The following PLIN2 variants were observed in gnomAD, a reference collection of about 807,000 sequenced individuals.
PLIN2 encodes the protein perilipin 2, also known as perilipin-2.
A neutral mutation model predicts 30.6 loss-of-function variants in PLIN2; 33 were observed. That is an observed-to-expected ratio of 1.08 (90% confidence interval 0.82 to 1.44). PLIN2 has a LOEUF of 1.44. Among genes scored for constraint, PLIN2 ranks in the 40% most tolerant of loss-of-function variants. The probability of loss-of-function intolerance (pLI) is 0.00; values close to 1 mark genes in which losing one functional copy is unlikely to be tolerated. For synonymous variants in PLIN2, 205 were observed against 201.1 expected, an observed-to-expected ratio of 1.02 and a Z score of -0.16; for missense variants, 610 against 531.8, an observed-to-expected ratio of 1.15 and a Z score of -1.45.
chr9:19,126,307 ACT>A lies in PLIN2; in HGVS notation c.31_32del (p.Ser11CysfsTer16). MASVAVDPQP[S>X]VVTRVVNLPL... ...GCAGGTTGACCACCCGAGTCACCAC[ACT>A]CTGCAATCAAAGTAGGGAGGGTATG... On this transcript the variant is annotated frameshift_variant and splice_region_variant, in exon 3 of 8. Coordinates refer to ENST00000276914, the MANE Select transcript of PLIN2 (RefSeq NM_001122.4). LOFTEE classifies it high-confidence loss of function. 6.2e-7 allele frequency: 1 copy of A among 1,613,784 alleles called. No individual in the cohort carries two copies. Among genetic ancestry groups the A allele is most frequent in the Non-Finnish European group, 8.5e-7 (1 of 1,179,694 alleles).
rs1248086144 is a variant in PLIN2, at chr9:19,119,815, T to G, written c.612A>C (p.Lys204Asn). ...TCTGAACCAGATCAAATCCTTCAAC[T>G]TTTTTTGCTTCTTTTTCTGAAGTTA... ...TEEELEKEAK[K>N]VEGFDLVQKP... The change falls in exon 6 of 8, where the codon AAA becomes AAC. Residue 204 changes from lysine to asparagine, a missense_variant. Transcript: ENST00000276914. The G allele has an allele frequency of 6.4e-7, 1 of 1,553,534 alleles. No individual in the cohort carries two copies. The highest frequency in any genetic ancestry group is 1.2e-5 in the South Asian group (1 of 84,290).
chr9:19,124,703 T>C lies in PLIN2; in HGVS notation c.227-1056A>G, dbSNP rs72558394. Among the ~76,000 whole-genome samples the C allele has an allele frequency of 2.6e-3, 398 of 152,294 alleles. 8 individuals carry two copies. In the East Asian group the frequency reaches 0.052, roughly 20 times the overall value. On this transcript the variant is annotated intron_variant, in intron 3 of 7. Transcript: ENST00000276914. Reference sequence around the variant, plus strand: ...TCCTCAAAAGCTTAAACAGTTATTATATAACCCAGCAATTCCACTCCTGGG... The same window carrying C: ...TCCTCAAAAGCTTAAACAGTTATTACATAACCCAGCAATTCCACTCCTGGG...
downstream of PLIN2, among the ~76,000 whole-genome samples, chr9:19,111,671 G>T (rs1397935350): frequency 1.3e-5 from 2 of 152,042 alleles, no homozygotes; most frequent in Admixed American, 1.3e-4. Context: ...TGGAGGGAGT[G>T]GGGTAGCATC....
At chr9:19,115,509 G>A (rs866190779), downstream of PLIN2, among the ~76,000 whole-genome samples, 4 of 151,742 alleles carry the variant, frequency 2.6e-5, no homozygotes, top group Non-Finnish European at 1.5e-5. Context: ...GGGTTTCACC[G>A]TGTTCGCCAG....
downstream of PLIN2, among the ~76,000 whole-genome samples, chr9:19,114,309 A>G (rs565509542): frequency 6.6e-6 from 1 of 152,294 alleles, no homozygotes; most frequent in South Asian, 2.1e-4. Flanking sequence ...GTGAACCAGG[A>G]TAGAAAGAGA....
chr9:19,126,478 C>T (rs3802335), intron 1 of PLIN2, 30 bp from the exon 2 acceptor site: 1,079,363 of 1,389,492 alleles, frequency 0.78, 422,340 homozygotes, highest in Non-Finnish European at 0.8. Flanking sequence ...TTCAGAACAC[C>T]GGGATAAGAC....
Position 19,123,618 on chromosome 9 carries a change from C to A in PLIN2, c.256G>T (p.Gly86Trp), listed in dbSNP as rs780284281. The change falls in exon 4 of 8, where the codon GGG becomes TGG. Residue 86 changes from glycine to tryptophan, a missense_variant. Physicochemically the swap from Gly to Trp is radical, Grantham distance 184. Coordinates refer to ENST00000276914, the MANE Select transcript of PLIN2 (RefSeq NM_001122.4). ...AGTCTCTCCTCAATCCTGTCTAGCC[C>A]CTTACAGGCATAGGTATTGGCAACT... ...IAVANTYACK[G>W]LDRIEERLPI... The A allele has an allele frequency of 3.7e-6, 6 of 1,614,000 alleles. No individual in the cohort carries two copies. The African/African-American group carries it at 6.7e-5, about 18-fold the overall frequency.
At chr9:19,110,168 C>T (rs72698306) in intron 2 of PLIN2, among the ~76,000 whole-genome samples, 6,070 of 151,938 alleles carry the variant, frequency 0.04, 172 homozygotes, top group Non-Finnish European at 0.057. Context: ...GGATTACAGG[C>T]GTGCGCTGCA....
At chr9:19,109,502 C>T (rs1283286532) in intron 2 of PLIN2, among the ~76,000 whole-genome samples, 1 of 142,598 alleles carries the variant, frequency 7.0e-6, no homozygotes, top group African/African-American at 2.6e-5. Flanking sequence ...CGAGGTTCAC[C>T]ACCACTCCAG....
rs760963396 is a variant in PLIN2, at chr9:19,120,967, G to A, written c.508C>T (p.Gln170Ter). Residue 170 changes from glutamine to a stop codon, truncating the protein, a stop_gained, in exon 5 of 8, where the codon CAG becomes TAG. Coordinates refer to ENST00000276914, the MANE Select transcript of PLIN2 (RefSeq NM_001122.4). LOFTEE classifies it high-confidence loss of function. ...INTVLGSRMMQLVSSGVENAL... is the reference protein window; with the variant it reads ...INTVLGSRMM ...TTTTCTACGCCACTGCTCACGAGCT[G>A]CATCATCCGACTCCCCAAGACTGTG... The A allele has an allele frequency of 6.2e-7, 1 of 1,614,012 alleles. No individual in the cohort carries two copies. The highest frequency in any genetic ancestry group is 1.7e-5 in the Admixed American group (1 of 59,994).
At position 19,119,775 on chromosome 9, in the gene PLIN2, C is replaced by T. The variant is rs758732947; in HGVS notation, c.652G>A (p.Val218Ile). 4 of 1,607,126 alleles carry T rather than the reference C, an allele frequency of 2.5e-6. No individual in the cohort carries two copies. Among genetic ancestry groups the T allele is most frequent in the Admixed American group, 3.4e-5 (2 of 59,448 alleles). The change falls in exon 6 of 8, where the codon GTT becomes ATT. Residue 218 changes from valine (V) to isoleucine (I), a missense_variant. Transcript: ENST00000276914. ...FDLVQKPSYYVRLGSLSTKLH... is the reference protein window; with the variant it reads ...FDLVQKPSYYIRLGSLSTKLH... ...TTGGTAGACAGGGATCCCAGTCTAACATAATAACTTGGCTTCTGAACCAGA... is the reference window on the plus strand; with the variant it reads ...TTGGTAGACAGGGATCCCAGTCTAATATAATAACTTGGCTTCTGAACCAGA...
chr9:19,121,486 T>G (rs1018320933), intron 4 of PLIN2, among the ~76,000 whole-genome samples: 1 of 114,828 alleles, frequency 8.7e-6, no homozygotes, highest in Non-Finnish European at 1.7e-5. Flanking sequence ...CAAGACCCTG[T>G]CTCAAAAAAA....
At position 19,126,251 on chromosome 9, in the gene PLIN2, G is replaced by T; in HGVS notation, c.89C>A (p.Ser30Tyr). The T allele has an allele frequency of 6.2e-7, 1 of 1,614,122 alleles. No homozygotes were observed. The highest frequency in any genetic ancestry group is 8.5e-7 in the Non-Finnish European group (1 of 1,179,992). The part of the protein sequence containing the change: ...PLVSSTYDLM[S>Y]SAYLSTKDQY... ...GTCCTTTGTACTGAGATAGGCTGAG[G>T]ACATGAGGTCATACGTGGAGCTCAC... is the stretch of plus-strand genomic sequence containing the variant. The change falls in exon 3 of 8, where the codon TCC becomes TAC. Residue 30 changes from serine to tyrosine, a missense_variant. Transcript: ENST00000276914.
chr9:19,112,617 A>G (rs1431559700), downstream of PLIN2, among the ~76,000 whole-genome samples: 5 of 150,486 alleles, frequency 3.3e-5, no homozygotes, highest in East Asian at 1.0e-3. Flanking sequence ...CTGAGGAGGG[A>G]GAATCGATTG....
intron 6 of PLIN2, among the ~76,000 whole-genome samples, chr9:19,119,290 C>T (rs1337857493): frequency 2.0e-5 from 3 of 152,174 alleles, no homozygotes; most frequent in Admixed American, 6.6e-5. Flanking sequence ...AGTAAAACAG[C>T]TCCAAGTGTA....
rs34415845 is a variant in PLIN2, at chr9:19,127,039, C to CA, written c.-23+379dup. Among the ~76,000 whole-genome samples, 22,443 of 149,180 alleles carry CA rather than the reference C, an allele frequency of 0.15. 2,112 individuals are homozygous for CA. Among genetic ancestry groups the CA allele is most frequent in the African/African-American group, 0.28 (11,295 of 40,840 alleles). On this transcript the variant is annotated intron_variant, in intron 1 of 7. Coordinates refer to ENST00000276914, the MANE Select transcript of PLIN2 (RefSeq NM_001122.4). The surrounding 1 kb of genome is among the most constrained non-coding windows in gnomAD (Gnocchi z 4.3). Reference sequence around the variant, plus strand: ...CCTGGGCGACAGAGCGAGACTCCGTCAAAAAAAAAATGCGGTTTTCTAACG... The same window carrying CA: ...CCTGGGCGACAGAGCGAGACTCCGTCAAAAAAAAAAATGCGGTTTTCTAACG...
At chr9:19,118,109 C>T (rs1179223462) in intron 7 of PLIN2, among the ~76,000 whole-genome samples, 2 of 152,198 alleles carry the variant, frequency 1.3e-5, no homozygotes, top group Non-Finnish European at 2.9e-5. Context: ...TTGTATCTCA[C>T]TTGGGGCATA....
At chr9:19,125,042 A>T (rs184137771) in intron 3 of PLIN2, among the ~76,000 whole-genome samples, 13 of 152,356 alleles carry the variant, frequency 8.5e-5, no homozygotes, top group Admixed American at 2.0e-4. Flanking sequence ...ATAAAGACAA[A>T]GTAGATGAGT....
chr9:19,124,017 CAA>C (rs60330286), intron 3 of PLIN2, among the ~76,000 whole-genome samples: 6 of 121,914 alleles, frequency 4.9e-5, no homozygotes, highest in Admixed American at 1.7e-4. Flanking sequence ...GACTCCATCT[CAA>C]AAAAAAAAAA....
Sources: gnomAD v4.1 joint callset for allele counts (sites outside exome capture counted in the v4.1 genomes callset) on GRCh38, gnomAD v4.1.1 for gene constraint, Gnocchi (gnomAD v3.1) non-coding constraint, MANE v1.5 for transcripts, NCBI Gene and HGNC (gene_info 2026-07-23, HGNC 2026-07-21) for gene names.